GTF2H3: variants seen among roughly 807,000 people sequenced by gnomAD.
GTF2H3 encodes TFIIH basal transcription factor complex p34 subunit.
Under a neutral mutation model 51.1 loss-of-function variants are expected in GTF2H3, and 42 were observed. The ratio of observed to expected loss-of-function variants is 0.82; its 90% CI spans 0.64 to 1.06. The LOEUF (loss-of-function observed/expected upper bound fraction) is 1.06. Ranked by LOEUF, GTF2H3 falls within the 50% of genes least tolerant of loss-of-function variation. GTF2H3 has a pLI of 0.00. For synonymous variants in GTF2H3, 123 were observed against 123.8 expected (o/e 0.99, Z 0.04); for missense variants, 326 against 366.1 (o/e 0.89, Z 0.89).
intron 2 of GTF2H3, among the ~76,000 whole-genome samples, chr12:123,643,267 A>G (rs900805548): frequency 2.6e-5 from 4 of 152,232 alleles, no homozygotes; most frequent in Non-Finnish European, 4.4e-5. Flanking sequence ...GACTTATGCA[A>G]TTTACTATAA....
chr12:123,636,121 A>G (rs958272318), intron 1 of GTF2H3, among the ~76,000 whole-genome samples: 2 of 152,240 alleles, frequency 1.3e-5, no homozygotes, highest in East Asian at 1.9e-4. Flanking sequence ...AATCTTAATG[A>G]TAAAGATACC....
chr12:123,640,935 G>A (rs773344713), intron 2 of GTF2H3, among the ~76,000 whole-genome samples: 64 of 152,266 alleles, frequency 4.2e-4, no homozygotes, highest in African/African-American at 1.4e-3. Context: ...TCTGGAGAAT[G>A]TTGCATGTCT....
intron 7 of GTF2H3, among the ~76,000 whole-genome samples, chr12:123,652,942 G>A (rs1955537209): frequency 6.6e-6 from 1 of 151,934 alleles, no homozygotes; most frequent in South Asian, 2.1e-4. Flanking sequence ...GCTGGGCGTG[G>A]TGGTGCATGC....
chr12:123,639,157 A>G (rs2135779371), intron 1 of GTF2H3, 107 bp from the exon 2 acceptor site: 1 of 640,754 alleles, frequency 1.6e-6, no homozygotes, highest in African/African-American at 1.8e-5. Context: ...TAAACATTTA[A>G]GGCATATAGT....
chr12:123,646,496 A>G (rs568157033), intron 3 of GTF2H3, among the ~76,000 whole-genome samples: 1 of 152,144 alleles, frequency 6.6e-6, no homozygotes, highest in African/African-American at 2.4e-5. Flanking sequence ...TCCTGGGCTC[A>G]AGCAGTCCTT....
At chr12:123,646,536 G>T (rs2135786915) in intron 3 of GTF2H3, among the ~76,000 whole-genome samples, 1 of 152,224 alleles carries the variant, frequency 6.6e-6, no homozygotes, top group African/African-American at 2.4e-5. Flanking sequence ...TGCTGGGACT[G>T]CAGGGATGAG....
chr12:123,641,232 CTT>C (rs59529596), intron 2 of GTF2H3, among the ~76,000 whole-genome samples: 1 of 146,124 alleles, frequency 6.8e-6, no homozygotes, highest in Non-Finnish European at 1.5e-5. Flanking sequence ...TTGTGTATTT[CTT>C]TTTTTTTTTT....
Position 123,659,697 on chromosome 12 carries a change from A to G in GTF2H3, c.685-98A>G, listed in dbSNP as rs953200588. ...GCTAGTACTCAGGAGAAGGGAATAAATGGAGGCCTTGGAGTTCCAAGGCCT... is the reference window on the plus strand; with the variant it reads ...GCTAGTACTCAGGAGAAGGGAATAAGTGGAGGCCTTGGAGTTCCAAGGCCT... On this transcript the variant is annotated intron_variant, in intron 10 of 12. Transcript: ENST00000543341. 4.1e-5 allele frequency: 59 copies of G among 1,456,546 alleles called. No homozygotes were observed. The Middle Eastern group carries it at 1.1e-3, about 26-fold the overall frequency. 90.2% of individuals were successfully genotyped at this position (1,456,546 alleles called of 1,614,324 possible).
chr12:123,661,266 A>T lies in GTF2H3; in HGVS notation c.*1031A>T, dbSNP rs1293089600. 6.6e-6 allele frequency: 1 copy of T among 152,250 alleles called. No individual in the cohort carries two copies. Among genetic ancestry groups the T allele is most frequent in the Admixed American group, 6.5e-5 (1 of 15,272 alleles). The allele number at this position is 152,250 out of a possible 1,614,324, so 9.4% of individuals were successfully genotyped here. ...TATTTCTTTATGTAATCTTGAAATT[A>T]TTAAAAGTCCTTTTAGCTTCTAGCA... On this transcript the variant is annotated 3_prime_UTR_variant, in exon 13 of 13. Transcript: ENST00000543341.
intron 2 of GTF2H3, among the ~76,000 whole-genome samples, chr12:123,644,643 C>T (rs1193780340): frequency 2.0e-5 from 3 of 150,396 alleles, no homozygotes; most frequent in East Asian, 2.0e-4. Flanking sequence ...TCCAGCCTGG[C>T]GACAGAGTGA....
intron 3 of GTF2H3, among the ~76,000 whole-genome samples, chr12:123,646,477 G>T (rs1423709590): frequency 6.6e-6 from 1 of 152,096 alleles, no homozygotes; most frequent in Non-Finnish European, 1.5e-5. Flanking sequence ...GCCCAGGCTG[G>T]CCTTGCTCTC....
intron 1 of GTF2H3, among the ~76,000 whole-genome samples, chr12:123,637,678 A>G (rs1251484016): frequency 2.0e-5 from 3 of 150,804 alleles, no homozygotes; most frequent in Non-Finnish European, 4.4e-5. Flanking sequence ...AATATTTTGT[A>G]TTTTTAGTAG....
intron 8 of GTF2H3, 86 bp downstream of exon 8, chr12:123,655,084 C>A: frequency 1.0e-6 from 1 of 989,250 alleles, no homozygotes; most frequent in South Asian, 1.3e-5. Context: ...CTGAGGTATT[C>A]TGACTACGTA....
chr12:123,642,794 A>G (rs1955395941), intron 2 of GTF2H3, among the ~76,000 whole-genome samples: 1 of 152,224 alleles, frequency 6.6e-6, no homozygotes, highest in African/African-American at 2.4e-5. Context: ...AAGTATAAGC[A>G]TCTTTTCTCT....
chr12:123,652,563 TA>T lies in GTF2H3; in HGVS notation c.457+4del. 6.7e-7 allele frequency: 1 copy of T among 1,484,852 alleles called. No homozygotes were observed. 92.0% of individuals were successfully genotyped at this position (1,484,852 alleles called of 1,614,324 possible). On this transcript the variant is annotated splice_donor_region_variant and intron_variant, in intron 6 of 12. Coordinates refer to ENST00000543341, the MANE Select transcript of GTF2H3 (RefSeq NM_001516.5). Reference sequence around the variant, plus strand: ...ATAGAATGAACAAGGAAGTTAAAGGTAAGAGCCTACGTTTTCCTATGAGAAC... The same window carrying T: ...ATAGAATGAACAAGGAAGTTAAAGGTAGAGCCTACGTTTTCCTATGAGAAC...
intron 5 of GTF2H3, 40 bp from the exon 6 acceptor site, chr12:123,652,492 A>C: frequency 8.7e-7 from 1 of 1,152,476 alleles, no homozygotes; most frequent in Non-Finnish European, 1.2e-6. Context: ...TTTATGAAGC[A>C]AAATAATATT....
chr12:123,655,838 C>T lies in GTF2H3; in HGVS notation c.615+14C>T. 2 of 1,553,708 alleles carry T rather than the reference C, an allele frequency of 1.3e-6. No homozygotes were observed. Among genetic ancestry groups the T allele is most frequent in the Non-Finnish European group, 1.8e-6 (2 of 1,126,856 alleles). ...CTCCTCCAACAGGTATGTTTTAAAA[C>T]CATGCTTTGTGTCGGTGGTTATGAC... is the stretch of plus-strand genomic sequence containing the variant. On this transcript the variant is annotated intron_variant, in intron 9 of 12. Coordinates refer to ENST00000543341, the MANE Select transcript of GTF2H3 (RefSeq NM_001516.5).
intron 9 of GTF2H3, 97 bp from the exon 10 acceptor site, chr12:123,659,419 T>A: frequency 1.2e-6 from 1 of 832,174 alleles, no homozygotes; most frequent in Non-Finnish European, 2.1e-6. Flanking sequence ...TATCCTCCTC[T>A]GATTTTGTAG....
chr12:123,645,202 C>G (rs1955429601), intron 2 of GTF2H3, among the ~76,000 whole-genome samples: 1 of 152,152 alleles, frequency 6.6e-6, no homozygotes, highest in African/African-American at 2.4e-5. Flanking sequence ...TTCAGAGTAG[C>G]TAAGACTACA....
Sources: gnomAD v4.1 joint callset for allele counts (sites outside exome capture counted in the v4.1 genomes callset) on GRCh38, gnomAD v4.1.1 for gene constraint, MANE v1.5 for transcripts, NCBI Gene and HGNC (gene_info 2026-07-23, HGNC 2026-07-21) for gene names.